INPP4B: variants seen among roughly 807,000 people sequenced by gnomAD.
INPP4B encodes the protein inositol polyphosphate 4-phosphatase type II.
INPP4B carries 55 observed loss-of-function variants against 122.5 expected under a neutral mutation model. That is an observed-to-expected ratio of 0.45 (90% CI 0.36 to 0.56). The LOEUF is 0.56. INPP4B is among the 20% of genes least tolerant of loss of function. INPP4B has a pLI of 0.00. For missense variants in INPP4B, 1,000 were observed against 1,097.7 expected (o/e 0.91, Z 1.26); for synonymous variants, 403 against 388.7 (o/e 1.04, Z -0.43).
At chr4:142,806,278 C>CAAAAAAAAA (rs1175185594) in intron 1 of INPP4B, among the ~76,000 whole-genome samples, 179 of 53,560 alleles carry the variant, frequency 3.3e-3, no homozygotes, top group African/African-American at 0.012. Flanking sequence ...GACTCCGTCT[C>CAAAAAAAAA]AAAAAAAAAA....
rs561969076 is a variant in INPP4B at position 142,551,097 on chromosome 4, A to C, written c.-190-88371T>G. ...AAGAGGAGGCGACTCTGCCCAGAAGAAGCAACCATTTGTGGTTTTATGAAG... is the reference window on the plus strand; with the variant it reads ...AAGAGGAGGCGACTCTGCCCAGAAGCAGCAACCATTTGTGGTTTTATGAAG... On this transcript the variant is annotated intron_variant, in intron 2 of 25. Transcript: ENST00000262992. Among the ~76,000 whole-genome samples, 3 of 152,322 alleles carry C rather than the reference A, an allele frequency of 2.0e-5. No individual in the cohort carries two copies. The South Asian group carries it at 6.2e-4, about 32-fold the overall frequency.
chr4:142,371,661 G>A (rs1367208755), intron 7 of INPP4B, among the ~76,000 whole-genome samples: 1 of 151,774 alleles, frequency 6.6e-6, no homozygotes, highest in Admixed American at 6.6e-5. Context: ...AAGACAAATT[G>A]AAACAGGTAT....
intron 22 of INPP4B, 66 bp downstream of exon 22, chr4:142,112,476 C>T (rs2152704928): frequency 6.6e-7 from 1 of 1,519,372 alleles, no homozygotes; most frequent in Admixed American, 1.9e-5. Flanking sequence ...ATACATGGGA[C>T]TTCTCATCAT....
At chr4:142,429,116 G>A in intron 5 of INPP4B, 57 bp downstream of exon 5, 1 of 948,208 alleles carries the variant, frequency 1.1e-6, no homozygotes, top group Non-Finnish European at 1.6e-6. Flanking sequence ...CCTATACTTT[G>A]CAAACTACTA....
chr4:142,540,274 C>T (rs1828781404), intron 2 of INPP4B, among the ~76,000 whole-genome samples: 1 of 151,514 alleles, frequency 6.6e-6, no homozygotes, highest in Non-Finnish European at 1.5e-5. Flanking sequence ...TGAGGCCAAA[C>T]TATTTAATCT....
chr4:142,494,654 G>T (rs1822297141), intron 2 of INPP4B, among the ~76,000 whole-genome samples: 1 of 152,064 alleles, frequency 6.6e-6, no homozygotes, highest in Non-Finnish European at 1.5e-5. Flanking sequence ...TGGTTCTATT[G>T]TTTCCTGGCT....
At chr4:142,537,367 A>T (rs1291695803) in intron 2 of INPP4B, among the ~76,000 whole-genome samples, 6 of 144,002 alleles carry the variant, frequency 4.2e-5, no homozygotes, top group African/African-American at 2.5e-5. Context: ...CAGAAAAAAA[A>T]CCAGTTATCA....
At chr4:142,075,660 G>C (rs918505302) in intron 25 of INPP4B, among the ~76,000 whole-genome samples, 8 of 152,012 alleles carry the variant, frequency 5.3e-5, no homozygotes, top group Non-Finnish European at 8.8e-5. Flanking sequence ...GGTAGATAGA[G>C]ATGGGGAGAG....
intron 25 of INPP4B, chr4:142,029,119 G>A: frequency 1.6e-6 from 2 of 1,284,926 alleles, no homozygotes; most frequent in African/African-American, 1.5e-5. Flanking sequence ...TGAAAGAGAT[G>A]ACTTAAGTCT....
intron 16 of INPP4B, among the ~76,000 whole-genome samples, chr4:142,167,279 AAC>A (rs906608515): frequency 6.6e-6 from 1 of 151,836 alleles, no homozygotes; most frequent in Non-Finnish European, 1.5e-5. Flanking sequence ...ATCCTCAGCA[AAC>A]ACACACAGAA....
At chr4:142,061,865 T>C (rs185452449) in intron 25 of INPP4B, among the ~76,000 whole-genome samples, 2,303 of 41,400 alleles carry the variant, frequency 0.056, 40 homozygotes, top group Non-Finnish European at 0.11. Context: ...TATATATATG[T>C]ACACACACAC....
intron 7 of INPP4B, among the ~76,000 whole-genome samples, chr4:142,355,652 G>A (rs571782814): frequency 6.6e-6 from 1 of 152,120 alleles, no homozygotes; most frequent in South Asian, 2.1e-4. Flanking sequence ...CTTCTTAGCT[G>A]AGGAAAGCAA....
chr4:142,270,678 A>G lies in INPP4B; in HGVS notation c.600T>C (p.Asp200=), dbSNP rs756493414. 6 of 1,605,646 alleles carry G rather than the reference A, an allele frequency of 3.7e-6. No individual in the cohort carries two copies. The highest frequency in any genetic ancestry group is 1.7e-5 in the Admixed American group (1 of 59,988). Residue 200 remains aspartate (D), a synonymous_variant, in exon 10 of 26, where the codon GAT becomes GAC. Transcript: ENST00000262992. ...EDGEADHITT[D]VQGQKCALVC... ...GAGATCCTACCTTTTGTCCCTGTAC[A>G]TCTGTGGTGATGTGGTCGGCTTCCC...
chr4:142,434,585 T>C (rs1022868427), intron 3 of INPP4B, among the ~76,000 whole-genome samples: 3 of 151,988 alleles, frequency 2.0e-5, no homozygotes, highest in African/African-American at 7.2e-5. Context: ...GCTCTCAAAG[T>C]GTGGATAAAA....
At chr4:142,718,496 T>C (rs565928395) in intron 2 of INPP4B, among the ~76,000 whole-genome samples, 66 of 152,256 alleles carry the variant, frequency 4.3e-4, no homozygotes, top group Admixed American at 1.4e-3. Context: ...GGCTGGACTA[T>C]TCTAGATCAA....
chr4:142,284,612 G>A (rs1188192711), intron 9 of INPP4B, among the ~76,000 whole-genome samples: 1 of 152,102 alleles, frequency 6.6e-6, no homozygotes, highest in Admixed American at 6.6e-5. Context: ...AGCAGAGAAA[G>A]AGGAAGAGGA....
intron 7 of INPP4B, among the ~76,000 whole-genome samples, chr4:142,316,386 C>G (rs6817826): frequency 6.6e-6 from 1 of 152,040 alleles, no homozygotes; most frequent in Non-Finnish European, 1.5e-5. Flanking sequence ...GGAAACTATA[C>G]GCAAATAGTG....
chr4:142,464,607 T>G (rs1580133031), intron 2 of INPP4B, among the ~76,000 whole-genome samples: 1 of 132,536 alleles, frequency 7.5e-6, no homozygotes, highest in East Asian at 2.6e-4. Flanking sequence ...TTAAGATAAC[T>G]GTTAAGAAAA....
Position 142,160,563 on chromosome 4 carries a change from T to C in INPP4B, c.1360-2A>G. The stretch of plus-strand genomic sequence containing the variant: ...GAAGGCATGTACAAAAAGCTCTGTC[T>C]GGAAAGAAATTGACAAGGATTAGAA... On this transcript the variant is annotated splice_acceptor_variant, in intron 16 of 25. Coordinates refer to ENST00000262992, the MANE Select transcript of INPP4B (RefSeq NM_001101669.3). LOFTEE classifies it high-confidence loss of function. 6.3e-7 allele frequency: 1 copy of C among 1,588,614 alleles called. No homozygotes were observed. The highest frequency in any genetic ancestry group is 8.6e-7 in the Non-Finnish European group (1 of 1,160,452).
Sources: gnomAD v4.1 joint callset for allele counts (sites outside exome capture counted in the v4.1 genomes callset) on GRCh38, gnomAD v4.1.1 for gene constraint, MANE v1.5 for transcripts, NCBI Gene and HGNC (gene_info 2026-07-23, HGNC 2026-07-21) for gene names.